Variants in VWA3B observed in about 807,000 individuals in gnomAD.
VWA3B encodes von Willebrand factor A domain-containing protein 3B.
In VWA3B, 138 loss-of-function variants were observed where a neutral mutation model predicts 158.3. That is an observed-to-expected ratio of 0.87 (90% CI 0.76 to 1.00). The LOEUF (loss-of-function observed/expected upper bound fraction) is 1.00. VWA3B is among the 50% of genes least tolerant of loss of function. VWA3B has a pLI of 0.00. For missense variants in VWA3B, 1,555 were observed against 1,565.1 expected, an observed-to-expected ratio of 0.99 and a Z score of 0.11; for synonymous variants, 596 against 587.3, an observed-to-expected ratio of 1.01 and a Z score of -0.21.
the VWA3B span, among the ~76,000 whole-genome samples, chr2:98,319,448 A>G: frequency 6.6e-6 from 1 of 152,382 alleles, no homozygotes; most frequent in South Asian, 2.1e-4. Context: ...GAACTCTTTA[A>G]AATTCAATGA....
chr2:98,123,232 C>G (rs540808143), intron 5 of VWA3B, among the ~76,000 whole-genome samples: 8 of 152,292 alleles, frequency 5.3e-5, no homozygotes, highest in Non-Finnish European at 1.0e-4. Flanking sequence ...ATTTTTTGAG[C>G]AGCTAATATA....
downstream of VWA3B, among the ~76,000 whole-genome samples, chr2:98,313,877 A>G (rs986910562): frequency 3.3e-5 from 5 of 152,218 alleles, no homozygotes; most frequent in African/African-American, 4.8e-5. Flanking sequence ...GATGTGTTCA[A>G]TGATAGTGCC....
chr2:98,236,477 A>G lies in VWA3B; in HGVS notation c.2516A>G (p.Asp839Gly). The change falls in exon 18 of 28, where the codon GAT becomes GGT. Residue 839 changes from aspartate (D) to glycine (G), a missense_variant and splice_region_variant. Physicochemically the swap from Asp to Gly is moderately conservative, Grantham distance 94 (BLOSUM62 -1). Coordinates refer to ENST00000477737, the MANE Select transcript of VWA3B (RefSeq NM_144992.5). Reference protein sequence around the residue: ...TREGSQVYDHDSSDVSSENWL... With the variant: ...TREGSQVYDHGSSDVSSENWL... ...GAAGGAAGCCAGGTTTATGACCACG[A>G]GTGAGTTCTTTAATTTGACAAAGAC... The G allele has an allele frequency of 6.2e-7, 1 of 1,614,252 alleles. No homozygotes were observed.
At chr2:98,135,391 A>T (rs1233419143) in intron 7 of VWA3B, among the ~76,000 whole-genome samples, 2 of 116,338 alleles carry the variant, frequency 1.7e-5, no homozygotes, top group African/African-American at 6.8e-5. Context: ...GCTGGAGTGC[A>T]GTGGCGGGAT....
Position 98,175,287 on chromosome 2 carries a change from C to T in VWA3B, c.1115-5729C>T, listed in dbSNP as rs140256422. On this transcript the variant is annotated intron_variant, in intron 8 of 27. Transcript: ENST00000477737. The stretch of plus-strand genomic sequence containing the variant: ...AAGCGATTTTAAATATGTCAAAGAA[C>T]TACAGGAAACTATGTCTAAAGAACA... Among the ~76,000 whole-genome samples, 103 of 152,082 alleles carry T rather than the reference C, an allele frequency of 6.8e-4. 2 individuals carry two copies. In the East Asian group the frequency reaches 0.018, roughly 26 times the overall value.
At chr2:98,194,153 C>T (rs1335507156) in intron 11 of VWA3B, among the ~76,000 whole-genome samples, 2 of 151,802 alleles carry the variant, frequency 1.3e-5, no homozygotes, top group African/African-American at 4.8e-5. Context: ...ATCATATATA[C>T]ATTTGTAAAG....
chr2:98,116,995 G>C (rs1055511612), intron 3 of VWA3B, among the ~76,000 whole-genome samples: 3 of 152,098 alleles, frequency 2.0e-5, no homozygotes, highest in Non-Finnish European at 4.4e-5. Flanking sequence ...TCTTAATATG[G>C]CTATATCATC....
intron 19 of VWA3B, chr2:98,245,444 GA>G: frequency 2.5e-6 from 1 of 405,316 alleles, no homozygotes; most frequent in Non-Finnish European, 4.9e-6. Context: ...TAAAAACTAA[GA>G]TGTCAGACTC....
rs1284417124 is a variant in VWA3B at position 98,093,242 on chromosome 2, G to A, written c.150G>A (p.Leu50=). The part of the protein sequence containing the change: ...LQLHGLKSNK[L]TLKQILSQIG... ...TGCATGGGCTTAAGAGCAACAAATT[G>A]ACCTTGAAACAGATTTTGTCACAGA... The change falls in exon 2 of 28, where the codon TTG becomes TTA. Residue 50 remains leucine, a synonymous_variant. Transcript: ENST00000477737. 2 of 1,613,994 alleles carry A rather than the reference G, an allele frequency of 1.2e-6. No individual in the cohort carries two copies. Among genetic ancestry groups the A allele is most frequent in the African/African-American group, 2.7e-5 (2 of 74,898 alleles).
At chr2:98,093,401 T>C in intron 2 of VWA3B, 113 bp downstream of exon 2, 1 of 1,063,238 alleles carries the variant, frequency 9.4e-7, no homozygotes, top group Non-Finnish European at 1.4e-6. Flanking sequence ...TGCTTTGATC[T>C]TATATCCCTA....
intron 8 of VWA3B, among the ~76,000 whole-genome samples, chr2:98,170,060 G>A (rs1389523292): frequency 2.0e-5 from 3 of 152,232 alleles, no homozygotes; most frequent in Non-Finnish European, 2.9e-5. Flanking sequence ...GTGGGGAGTC[G>A]AGGTGGCAGT....
At chr2:98,145,458 A>G (rs972964458) in intron 7 of VWA3B, among the ~76,000 whole-genome samples, 1 of 152,186 alleles carries the variant, frequency 6.6e-6, no homozygotes, top group African/African-American at 2.4e-5. Context: ...TATTAATAGC[A>G]CATGGCAGAG....
intron 2 of VWA3B, among the ~76,000 whole-genome samples, chr2:98,112,967 A>T (rs1031665225): frequency 6.6e-6 from 1 of 150,868 alleles, no homozygotes; most frequent in African/African-American, 2.4e-5. Flanking sequence ...TTTGTTCTAA[A>T]ATTTCCTTTC....
chr2:98,118,168 TC>T (rs1240600631), intron 3 of VWA3B, among the ~76,000 whole-genome samples: 2 of 152,340 alleles, frequency 1.3e-5, no homozygotes, highest in African/African-American at 2.4e-5. Context: ...AAAACACCTG[TC>T]CCTTTACCTT....
chr2:98,155,674 A>G (rs1678005665), intron 7 of VWA3B, among the ~76,000 whole-genome samples: 1 of 152,196 alleles, frequency 6.6e-6, no homozygotes. Flanking sequence ...AGCAGCCATT[A>G]TAACATACAT....
At chr2:98,294,510 G>A (rs1340521242) in intron 23 of VWA3B, among the ~76,000 whole-genome samples, 1 of 152,256 alleles carries the variant, frequency 6.6e-6, no homozygotes, top group African/African-American at 2.4e-5. Context: ...GGGTCAGTGT[G>A]GGTGATCCAG....
intron 25 of VWA3B, among the ~76,000 whole-genome samples, chr2:98,302,801 T>TG (rs1315900506): frequency 4.6e-5 from 7 of 152,188 alleles, no homozygotes; most frequent in African/African-American, 1.7e-4. Context: ...CAGTGCCTCC[T>TG]TGACTGTGGC....
In VWA3B at chr2:98,250,388, T is replaced by A; in HGVS notation, c.2744T>A (p.Leu915His). 1 of 1,613,246 alleles carries A rather than the reference T, an allele frequency of 6.2e-7. No homozygotes were observed. The highest frequency in any genetic ancestry group is 1.1e-5 in the South Asian group (1 of 90,922). Residue 915 changes from leucine (L) to histidine (H), a missense_variant, in exon 20 of 28, where the codon CTC (leucine) becomes CAC (histidine). Physicochemically the swap from Leu to His is moderately conservative, Grantham distance 99. Coordinates refer to ENST00000477737, the MANE Select transcript of VWA3B (RefSeq NM_144992.5). The stretch of plus-strand genomic sequence containing the variant: ...TTAATTAACCCCCAAGGAGCCAAAC[T>A]CAATATCTACAAGCGAAAAGTGGAA... ...MTLINPQGAKLNIYKRKVEQA... is the reference protein window; with the variant it reads ...MTLINPQGAKHNIYKRKVEQA...
chr2:98,326,987 A>G, the VWA3B span, among the ~76,000 whole-genome samples: 1 of 149,988 alleles, frequency 6.7e-6, no homozygotes, highest in Admixed American at 6.7e-5. Flanking sequence ...TGTTGTTTTG[A>G]GTCACTTGAA....
Sources: gnomAD v4.1 joint callset for allele counts (sites outside exome capture counted in the v4.1 genomes callset) on GRCh38, gnomAD v4.1.1 for gene constraint, MANE v1.5 for transcripts, NCBI Gene and HGNC (gene_info 2026-07-23, HGNC 2026-07-21) for gene names.